CPNE5: variants seen among roughly 807,000 people sequenced by gnomAD.
The protein encoded by CPNE5 is copine-5.
A neutral mutation model predicts 81.1 loss-of-function variants in CPNE5; 42 were observed. The observed-to-expected ratio is 0.52, with a 90% CI of 0.40 to 0.67. The LOEUF is 0.67. CPNE5 is among the 30% of genes least tolerant of loss of function. The probability of loss-of-function intolerance (pLI) is 0.00; values close to 1 mark genes in which losing one functional copy is unlikely to be tolerated. For synonymous variants in CPNE5, 313 were observed against 321.5 expected (o/e 0.97, Z 0.28); for missense variants, 612 against 815.5 (o/e 0.75, Z 3.04).
At position 36,762,842 on chromosome 6, in the gene CPNE5, T is replaced by A. The variant is rs773731799; in HGVS notation, c.855+75A>T. ...AAAACACACCAAGCCCCCAGCCCAG[T>A]GCATGGCTCACTACAGTCCTCAGTG... On this transcript the variant is annotated intron_variant, in intron 12 of 20. Transcript: ENST00000244751. 156 of 1,199,260 alleles carry A rather than the reference T, an allele frequency of 1.3e-4. 1 individual carries two copies. The highest frequency in any genetic ancestry group is 2.9e-5 in the Non-Finnish European group (23 of 802,720). The allele number at this position is 1,199,260 out of a possible 1,614,324, so 74.3% of individuals were successfully genotyped here. A position where few individuals can be genotyped will look rare whatever the true frequency, so the allele number is the denominator to read the frequency against.
intron 1 of CPNE5, chr6:36,827,250 G>C (rs371879546): frequency 1.2e-6 from 1 of 866,178 alleles, no homozygotes; most frequent in Non-Finnish European, 1.4e-6. Context: ...CCCACACCTC[G>C]TCCACACTTG....
At chr6:36,815,866 T>C (rs545343115) in intron 3 of CPNE5, among the ~76,000 whole-genome samples, 40 of 152,306 alleles carry the variant, frequency 2.6e-4, no homozygotes, top group Non-Finnish European at 1.6e-4. Flanking sequence ...TGCAGTGGTA[T>C]GGGGCGATCT....
At chr6:36,748,390 A>G (rs1392494451) in intron 14 of CPNE5, 123 bp from the exon 15 acceptor site, 1 of 813,936 alleles carries the variant, frequency 1.2e-6, no homozygotes, top group Admixed American at 1.9e-5. Context: ...GCCTTGGTGA[A>G]GTCATTCATC....
At chr6:36,744,644 C>T in intron 18 of CPNE5, 1 of 489,364 alleles carries the variant, frequency 2.0e-6, no homozygotes, top group African/African-American at 1.9e-5. Flanking sequence ...CTGAGCTTCC[C>T]CAACTCTGAG....
At chr6:36,838,191 A>G (rs1773697618) in intron 1 of CPNE5, among the ~76,000 whole-genome samples, 1 of 152,198 alleles carries the variant, frequency 6.6e-6, no homozygotes, top group East Asian at 1.9e-4. Flanking sequence ...TTTGTAATAC[A>G]GGACTGGGGG....
chr6:36,803,346 C>T (rs894786084), intron 3 of CPNE5, among the ~76,000 whole-genome samples: 2 of 152,120 alleles, frequency 1.3e-5, no homozygotes, highest in Non-Finnish European at 2.9e-5. Context: ...CTCCTGTGTG[C>T]GCCCATCATC....
At chr6:36,757,651 G>A (rs1765613718) in intron 12 of CPNE5, among the ~76,000 whole-genome samples, 1 of 152,184 alleles carries the variant, frequency 6.6e-6, no homozygotes. Context: ...GAGAAGATAT[G>A]TCCTCAGGGC....
At chr6:36,794,769 C>G in intron 6 of CPNE5, 120 bp from the exon 7 acceptor site, 1 of 874,474 alleles carries the variant, frequency 1.1e-6, no homozygotes, top group Admixed American at 2.2e-5. Context: ...GTCATTAAAA[C>G]AGGATCAAAG....
At chr6:36,790,314 A>T (rs2150502769) in intron 8 of CPNE5, among the ~76,000 whole-genome samples, 1 of 152,208 alleles carries the variant, frequency 6.6e-6, no homozygotes, top group East Asian at 1.9e-4. Context: ...AATGTTCTCT[A>T]ACACTGTTAT....
At position 36,743,669 on chromosome 6, in the gene CPNE5, A is replaced by G; in HGVS notation, c.1563+20T>C. ...GGGGCTCTTGAATTTCCCATGGGGC[A>G]GGCAAGGCCTGGGCTTCACCTGGAC... is the stretch of plus-strand genomic sequence containing the variant. On this transcript the variant is annotated intron_variant, in intron 20 of 20. Coordinates refer to ENST00000244751, the MANE Select transcript of CPNE5 (RefSeq NM_020939.2). 6.2e-7 allele frequency: 1 copy of G among 1,611,124 alleles called. No homozygotes were observed.
chr6:36,805,081 C>T (rs943290108), intron 3 of CPNE5, among the ~76,000 whole-genome samples: 3 of 152,126 alleles, frequency 2.0e-5, no homozygotes, highest in African/African-American at 7.2e-5. Context: ...AATTTATACC[C>T]CATTAATGAT....
At chr6:36,824,538 C>T (rs1772340809) in intron 1 of CPNE5, among the ~76,000 whole-genome samples, 1 of 152,236 alleles carries the variant, frequency 6.6e-6, no homozygotes, top group Admixed American at 6.5e-5. Flanking sequence ...GATCTTGTCA[C>T]CTTCCTTCTC....
chr6:36,808,043 A>G (rs556458026), intron 3 of CPNE5, among the ~76,000 whole-genome samples: 3 of 152,202 alleles, frequency 2.0e-5, no homozygotes. Context: ...GTGGAGAGAA[A>G]GGCAGCCCAG....
intron 20 of CPNE5, chr6:36,742,907 G>T (rs1763698207): frequency 1.0e-6 from 1 of 985,304 alleles, no homozygotes; most frequent in African/African-American, 1.7e-5. Flanking sequence ...TTTCTCTCTG[G>T]GGCTAATCTG....
chr6:36,811,658 A>G (rs1303350098), intron 3 of CPNE5, among the ~76,000 whole-genome samples: 1 of 152,010 alleles, frequency 6.6e-6, no homozygotes, highest in Non-Finnish European at 1.5e-5. Context: ...AGAAAAGCCA[A>G]CTCCTTTCTT....
intron 8 of CPNE5, among the ~76,000 whole-genome samples, chr6:36,782,868 C>A (rs866499040): frequency 8.2e-4 from 117 of 142,188 alleles, no homozygotes; most frequent in African/African-American, 2.8e-3. Context: ...CACACACACA[C>A]AAAACGGCAC....
chr6:36,746,412 G>A lies in CPNE5; in HGVS notation c.1184C>T (p.Ser395Phe), dbSNP rs757893788. ...GAKLPPDGRV[S>F]HEFPLNGNQE... ...ACCACCTACCAGTGGGAACTCGTGG[G>A]ACACTCTGCCATCCGGGGGCAGCTT... The change falls in exon 16 of 21, where the codon TCC becomes TTC. Residue 395 changes from serine to phenylalanine, a missense_variant. Ser to Phe is a radical substitution (Grantham distance 155, BLOSUM62 -2). Transcript: ENST00000244751. This position sits in a 1 kb window ranked among gnomAD's most constrained non-coding sequence, Gnocchi z 4.5. 1 of 1,612,098 alleles carries A rather than the reference G, an allele frequency of 6.2e-7. No homozygotes were observed. The highest frequency in any genetic ancestry group is 8.5e-7 in the Non-Finnish European group (1 of 1,179,124).
chr6:36,768,225 C>CTTTTTTTTTTTTTTTTTTTTTTTTT (rs10586762), intron 10 of CPNE5, among the ~76,000 whole-genome samples: 4 of 60,514 alleles, frequency 6.6e-5, no homozygotes, highest in African/African-American at 6.4e-5. Flanking sequence ...ATTCACAGTT[C>CTTTTTTTTTTTTTTTTTTTTTTTTT]TTTTTTTTTT....
In CPNE5 at chr6:36,746,006, A is replaced by G. The variant is rs750334085; in HGVS notation, c.1200+390T>C. The stretch of plus-strand genomic sequence containing the variant: ...CCACAGGGCCCGGGATGCCCAGATG[A>G]CGCCATGCTCCACATCACCCTGGAG... On this transcript the variant is annotated intron_variant, in intron 16 of 20. Coordinates refer to ENST00000244751, the MANE Select transcript of CPNE5 (RefSeq NM_020939.2). The surrounding 1 kb of genome is among the most constrained non-coding windows in gnomAD (Gnocchi z 4.5). The G allele has an allele frequency of 2.2e-4, 50 of 224,696 alleles. 1 individual carries two copies. Among genetic ancestry groups the G allele is most frequent in the Middle Eastern group, 2.1e-3 (1 of 466 alleles). The allele number at this position is 224,696 out of a possible 1,614,324, so 13.9% of individuals were successfully genotyped here. A position where few individuals can be genotyped will look rare whatever the true frequency, so the allele number is the denominator to read the frequency against.
Sources: gnomAD v4.1 joint callset for allele counts (sites outside exome capture counted in the v4.1 genomes callset) on GRCh38, gnomAD v4.1.1 for gene constraint, Gnocchi (gnomAD v3.1) non-coding constraint, MANE v1.5 for transcripts, NCBI Gene and HGNC (gene_info 2026-07-23, HGNC 2026-07-21) for gene names.